Variants in SH3BGRL2 observed in about 807,000 individuals in gnomAD.
SH3BGRL2 encodes SH3 domain binding glutamate rich protein like 2, also known as SH3 domain-binding glutamic acid-rich-like protein 2.
In SH3BGRL2, 21 loss-of-function variants were observed where a neutral mutation model predicts 14.8. That is an observed-to-expected ratio of 1.42 (90% CI 1.01 to 2.05). The LOEUF is 2.05. SH3BGRL2 is among the 30% of genes most tolerant of loss of function. The pLI is 0.00. For synonymous variants in SH3BGRL2, 50 were observed against 47.8 expected (o/e 1.05, Z -0.19); for missense variants, 147 against 130.8 (o/e 1.12, Z -0.61).
the SH3BGRL2 span, among the ~76,000 whole-genome samples, chr6:79,600,778 T>A: frequency 1.3e-5 from 2 of 152,202 alleles, no homozygotes; most frequent in Non-Finnish European, 2.9e-5. Context: ...AGAAAAGCAC[T>A]TATGTCTTTC....
At position 79,699,611 on chromosome 6, in the gene SH3BGRL2, T is replaced by A. The variant is rs1380323134; in HGVS notation, c.*102T>A. On this transcript the variant is annotated 3_prime_UTR_variant, in exon 4 of 4. Coordinates refer to ENST00000369838, the MANE Select transcript of SH3BGRL2 (RefSeq NM_031469.4). ...ATCACTGTGACAAAAGCCACACGCA[T>A]TATCAGTAACTTTGCTTGCCACGGA... The A allele has an allele frequency of 1.5e-6, 2 of 1,378,910 alleles. No homozygotes were observed. The highest frequency in any genetic ancestry group is 1.9e-6 in the Non-Finnish European group (2 of 1,048,168). 85.4% of individuals were successfully genotyped at this position (1,378,910 alleles called of 1,614,324 possible).
intron 1 of SH3BGRL2, among the ~76,000 whole-genome samples, chr6:79,667,752 C>G (rs1769688926): frequency 6.6e-6 from 1 of 152,072 alleles, no homozygotes; most frequent in Non-Finnish European, 1.5e-5. Context: ...TGGCCTTAGG[C>G]TAAACTTAAT....
intron 2 of SH3BGRL2, among the ~76,000 whole-genome samples, chr6:79,678,090 A>G (rs1487426008): frequency 6.6e-6 from 1 of 152,096 alleles, no homozygotes; most frequent in Non-Finnish European, 1.5e-5. Context: ...TTCAGCAAAC[A>G]GATGATTTGG....
intron 1 of SH3BGRL2, among the ~76,000 whole-genome samples, chr6:79,658,529 A>G (rs1340331707): frequency 6.6e-6 from 1 of 152,096 alleles, no homozygotes; most frequent in Non-Finnish European, 1.5e-5. Context: ...CATTTTCTTA[A>G]TCCAGTCTAT....
At chr6:79,628,692 T>G (rs950064340), upstream of SH3BGRL2, among the ~76,000 whole-genome samples, 3 of 152,174 alleles carry the variant, frequency 2.0e-5, no homozygotes, top group Non-Finnish European at 4.4e-5. Flanking sequence ...TTTTACTGGA[T>G]TGCTAACATA....
chr6:79,572,130 C>T, the SH3BGRL2 span, among the ~76,000 whole-genome samples: 1 of 152,124 alleles, frequency 6.6e-6, no homozygotes, highest in Admixed American at 6.5e-5. Context: ...TTTTCTGTTC[C>T]AGAGTTCAAT....
chr6:79,564,881 G>T, the SH3BGRL2 span, among the ~76,000 whole-genome samples: 1 of 152,050 alleles, frequency 6.6e-6, no homozygotes, highest in African/African-American at 2.4e-5. Context: ...ATCTCCTGCT[G>T]CTTCTGGCTC....
At chr6:79,538,018 G>GTTTTTTTTTT in the SH3BGRL2 span, among the ~76,000 whole-genome samples, 467 of 44,152 alleles carry the variant, frequency 0.011, 112 homozygotes, top group Non-Finnish European at 0.015. Context: ...TTGCACACAA[G>GTTTTTTTTTT]TTTTTTTTTT....
At chr6:79,652,106 C>T (rs1210602584) in intron 1 of SH3BGRL2, among the ~76,000 whole-genome samples, 1 of 152,068 alleles carries the variant, frequency 6.6e-6, no homozygotes, top group Non-Finnish European at 1.5e-5. Context: ...TAGTTGAGTG[C>T]AGTGTGGATT....
At chr6:79,588,708 A>G in the SH3BGRL2 span, among the ~76,000 whole-genome samples, 2 of 152,224 alleles carry the variant, frequency 1.3e-5, no homozygotes, top group African/African-American at 4.8e-5. Flanking sequence ...TTGCTTCCAC[A>G]TAGGTATTAT....
chr6:79,623,331 A>G, the SH3BGRL2 span, among the ~76,000 whole-genome samples: 1 of 151,904 alleles, frequency 6.6e-6, no homozygotes. Context: ...CTGATTTACA[A>G]TCGGGGGCAA....
At chr6:79,631,576 T>G in intron 1 of SH3BGRL2, 70 bp downstream of exon 1, 1 of 1,245,240 alleles carries the variant, frequency 8.0e-7, no homozygotes. Context: ...CGCGCGGCGC[T>G]CGTCACTGCG....
chr6:79,666,731 TC>T (rs2127731185), intron 1 of SH3BGRL2, among the ~76,000 whole-genome samples: 1 of 152,298 alleles, frequency 6.6e-6, no homozygotes, highest in South Asian at 2.1e-4. Context: ...AAAAAACTTT[TC>T]CCTTCTATTT....
the SH3BGRL2 span, among the ~76,000 whole-genome samples, chr6:79,614,008 C>T: frequency 6.6e-6 from 1 of 152,096 alleles, no homozygotes; most frequent in Non-Finnish European, 1.5e-5. Context: ...GCAGGGGCGG[C>T]TTTGACCTGA....
chr6:79,551,365 T>C, the SH3BGRL2 span, among the ~76,000 whole-genome samples: 1 of 152,188 alleles, frequency 6.6e-6, no homozygotes, highest in Non-Finnish European at 1.5e-5. Context: ...TCATCTGGGA[T>C]CTTTTTGGTC....
At chr6:79,623,301 C>CAA in the SH3BGRL2 span, among the ~76,000 whole-genome samples, 440 of 141,714 alleles carry the variant, frequency 3.1e-3, 2 homozygotes, top group African/African-American at 9.4e-3. Context: ...GACTCTGCCT[C>CAA]AAAAAAAAAA....
the SH3BGRL2 span, among the ~76,000 whole-genome samples, chr6:79,550,666 T>TA: frequency 1.3e-5 from 2 of 152,304 alleles, no homozygotes; most frequent in South Asian, 2.1e-4. Flanking sequence ...ATTGAGTACT[T>TA]ACGTCTACAG....
At chr6:79,580,901 TAAAC>T in the SH3BGRL2 span, among the ~76,000 whole-genome samples, 1 of 151,882 alleles carries the variant, frequency 6.6e-6, no homozygotes, top group African/African-American at 2.4e-5. Context: ...GCAAGACTAA[TAAAC>T]AAGAAAAGAG....
At chr6:79,570,882 T>C in the SH3BGRL2 span, among the ~76,000 whole-genome samples, 1 of 152,216 alleles carries the variant, frequency 6.6e-6, no homozygotes, top group Non-Finnish European at 1.5e-5. Context: ...CATATTGCTA[T>C]CATAAAGGAG....
Sources: gnomAD v4.1 joint callset for allele counts (sites outside exome capture counted in the v4.1 genomes callset) on GRCh38, gnomAD v4.1.1 for gene constraint, MANE v1.5 for transcripts, NCBI Gene and HGNC (gene_info 2026-07-23, HGNC 2026-07-21) for gene names.